The following MDGA2 variants were observed in gnomAD, a reference collection of about 807,000 sequenced individuals.
MDGA2 encodes MAM domain-containing glycosylphosphatidylinositol anchor protein 2.
In MDGA2, 40 loss-of-function variants were observed where a neutral mutation model predicts 117.8. The observed-to-expected ratio is 0.34, with a 90% CI of 0.26 to 0.44. The LOEUF (loss-of-function observed/expected upper bound fraction) is 0.44, where lower values mean the gene tolerates loss of function less well. Ranked by LOEUF, MDGA2 falls within the 20% of genes least tolerant of loss-of-function variation. The pLI, the probability that MDGA2 is intolerant of heterozygous loss-of-function variation, is 1.00. For synonymous variants in MDGA2, 452 were observed against 439.0 expected (o/e 1.03, Z -0.37); for missense variants, 1,123 against 1,250.6 (o/e 0.90, Z 1.54).
At chr14:47,639,766 A>G (rs1309827244) in intron 1 of MDGA2, among the ~76,000 whole-genome samples, 1 of 152,128 alleles carries the variant, frequency 6.6e-6, no homozygotes. Flanking sequence ...CTCCAACAAC[A>G]ATCCGTCAAA....
intron 10 of MDGA2, among the ~76,000 whole-genome samples, chr14:46,902,002 G>A (rs1186433456): frequency 6.6e-6 from 1 of 152,178 alleles, no homozygotes; most frequent in Non-Finnish European, 1.5e-5. Context: ...AGGTTTAAGT[G>A]CAGTTGTCAC....
At chr14:47,290,638 T>C (rs1888851964) in intron 2 of MDGA2, among the ~76,000 whole-genome samples, 1 of 152,074 alleles carries the variant, frequency 6.6e-6, no homozygotes, top group Non-Finnish European at 1.5e-5. Flanking sequence ...TGAATCACAG[T>C]TAAGCAACAC....
chr14:47,452,362 G>A (rs572033919), intron 1 of MDGA2, among the ~76,000 whole-genome samples: 1 of 152,040 alleles, frequency 6.6e-6, no homozygotes, highest in Non-Finnish European at 1.5e-5. Flanking sequence ...AGGTAACAAT[G>A]AATGAAATCA....
intron 1 of MDGA2, among the ~76,000 whole-genome samples, chr14:47,667,070 C>T (rs914141450): frequency 6.6e-6 from 1 of 152,208 alleles, no homozygotes; most frequent in African/African-American, 2.4e-5. Context: ...TCCGCGGCTT[C>T]ATTCTTGAAG....
intron 3 of MDGA2, among the ~76,000 whole-genome samples, chr14:47,146,594 T>C (rs1465437131): frequency 6.6e-6 from 1 of 152,228 alleles, no homozygotes; most frequent in Non-Finnish European, 1.5e-5. Flanking sequence ...CTTAGTGACT[T>C]GATAAAAGAT....
At chr14:47,083,741 T>C (rs1890791666) in intron 6 of MDGA2, among the ~76,000 whole-genome samples, 1 of 151,982 alleles carries the variant, frequency 6.6e-6, no homozygotes, top group South Asian at 2.1e-4. Context: ...GGACAAAATA[T>C]ATATATCATG....
chr14:47,055,332 G>C (rs552552881), intron 7 of MDGA2, among the ~76,000 whole-genome samples: 7 of 151,738 alleles, frequency 4.6e-5, no homozygotes, highest in Non-Finnish European at 8.8e-5. Flanking sequence ...TAAATACTTT[G>C]GTCATTCTTG....
intron 8 of MDGA2, among the ~76,000 whole-genome samples, chr14:46,971,628 A>T (rs1886268407): frequency 6.6e-6 from 1 of 152,166 alleles, no homozygotes; most frequent in Non-Finnish European, 1.5e-5. Flanking sequence ...GAAGACATAA[A>T]CCCCAATACT....
intron 6 of MDGA2, among the ~76,000 whole-genome samples, chr14:47,088,626 C>G (rs1890996227): frequency 6.6e-6 from 1 of 152,104 alleles, no homozygotes; most frequent in African/African-American, 2.4e-5. Flanking sequence ...TCAAATCATT[C>G]TGGGAAATTG....
chr14:47,042,235 T>A (rs1889095238), intron 7 of MDGA2, among the ~76,000 whole-genome samples: 1 of 151,318 alleles, frequency 6.6e-6, no homozygotes, highest in East Asian at 1.9e-4. Context: ...TGACCAGATA[T>A]AAACAAATGT....
At chr14:47,600,718 A>G (rs1896632256) in intron 1 of MDGA2, among the ~76,000 whole-genome samples, 1 of 150,666 alleles carries the variant, frequency 6.6e-6, no homozygotes, top group African/African-American at 2.5e-5. Context: ...TTCTCATCGG[A>G]TCATTAAAAA....
At chr14:47,137,473 T>C (rs1279080151) in intron 4 of MDGA2, among the ~76,000 whole-genome samples, 3 of 152,074 alleles carry the variant, frequency 2.0e-5, no homozygotes, top group African/African-American at 7.2e-5. Context: ...TTAATTTCCT[T>C]GAGAGCTGGT....
chr14:47,289,990 T>G (rs1888824251), intron 2 of MDGA2, among the ~76,000 whole-genome samples: 1 of 152,194 alleles, frequency 6.6e-6, no homozygotes, highest in African/African-American at 2.4e-5. Context: ...ATCCTTACTT[T>G]GCATTTATAT....
chr14:47,242,054 C>T lies in MDGA2; in HGVS notation c.421-23859G>A, dbSNP rs189915119. The stretch of plus-strand genomic sequence containing the variant: ...TTTATTTTCCTTAGTATCTTTTCTG[C>T]TTCCCTGGCACTTAATAAAACCTAC... On this transcript the variant is annotated intron_variant, in intron 2 of 16. Coordinates refer to ENST00000399232, the MANE Select transcript of MDGA2 (RefSeq NM_001113498.3). Among the ~76,000 whole-genome samples the T allele has an allele frequency of 4.0e-5, 6 of 151,878 alleles. No individual in the cohort carries two copies. In the East Asian group the frequency reaches 9.7e-4, roughly 24 times the overall value.
At chr14:47,172,584 G>T (rs1314467919) in intron 3 of MDGA2, among the ~76,000 whole-genome samples, 1 of 152,162 alleles carries the variant, frequency 6.6e-6, no homozygotes, top group African/African-American at 2.4e-5. Context: ...CTGCAGCTGA[G>T]GGTCCTGTCT....
At chr14:47,183,649 A>G (rs1884796876) in intron 3 of MDGA2, among the ~76,000 whole-genome samples, 1 of 152,146 alleles carries the variant, frequency 6.6e-6, no homozygotes. Context: ...TTTATTGATC[A>G]CTTACTTTGG....
chr14:47,029,222 A>G (rs1374337561), intron 8 of MDGA2, among the ~76,000 whole-genome samples: 4 of 152,168 alleles, frequency 2.6e-5, no homozygotes, highest in Non-Finnish European at 5.9e-5. Context: ...TACTCTCTTC[A>G]TTAGATTTCT....
At chr14:47,394,822 T>C (rs1891972024) in intron 1 of MDGA2, among the ~76,000 whole-genome samples, 1 of 152,142 alleles carries the variant, frequency 6.6e-6, no homozygotes, top group South Asian at 2.1e-4. Flanking sequence ...AATGAATAAT[T>C]TTTGACAACA....
intron 1 of MDGA2, among the ~76,000 whole-genome samples, chr14:47,522,563 A>G (rs1894892760): frequency 6.6e-6 from 1 of 151,534 alleles, no homozygotes. Context: ...TGAATGAGGT[A>G]GATAATAACT....
Sources: allele counts gnomAD v4.1 joint callset (sites outside exome capture counted in the v4.1 genomes callset), GRCh38; gene constraint gnomAD v4.1.1; transcripts MANE v1.5; gene names NCBI Gene and HGNC (gene_info 2026-07-23, HGNC 2026-07-21).